Variants in SPTY2D1 observed in about 807,000 individuals in gnomAD.
SPTY2D1 encodes SPT2 chromatin protein domain containing 1.
SPTY2D1 carries 21 observed loss-of-function variants against 64.0 expected under a neutral mutation model. The observed-to-expected ratio is 0.33, with a 90% CI of 0.23 to 0.47. The LOEUF is 0.47. Ranked by LOEUF, SPTY2D1 falls within the 20% of genes least tolerant of loss-of-function variation. The pLI is 1.00. For synonymous variants in SPTY2D1, 287 were observed against 286.8 expected, an observed-to-expected ratio of 1.00 and a Z score of -0.01; for missense variants, 724 against 837.2, an observed-to-expected ratio of 0.86 and a Z score of 1.67.
At chr11:18,630,863 C>T (rs570366468) in intron 1 of SPTY2D1, among the ~76,000 whole-genome samples, 1 of 151,810 alleles carries the variant, frequency 6.6e-6, no homozygotes, top group Admixed American at 6.6e-5. Context: ...GCTCTGTCAC[C>T]CCGGCTGGAG....
intron 1 of SPTY2D1, among the ~76,000 whole-genome samples, chr11:18,618,543 T>C (rs1025660810): frequency 3.9e-5 from 6 of 152,194 alleles, no homozygotes; most frequent in African/African-American, 1.4e-4. Flanking sequence ...CTACGACCAT[T>C]CCACATTAAA....
At chr11:18,613,502 C>A (rs1272469436) in intron 3 of SPTY2D1, among the ~76,000 whole-genome samples, 1 of 152,170 alleles carries the variant, frequency 6.6e-6, no homozygotes, top group Admixed American at 6.5e-5. Flanking sequence ...GGGGCTATCC[C>A]ATGCATTGTT....
Position 18,607,183 on chromosome 11 carries a change from G to C in SPTY2D1, c.*2678C>G, listed in dbSNP as rs10832948. ...CGGCCAGACTTACTTTTTTGTTAACGGTCTTTGAACCTTTTCACGGCACAC... is the reference window on the plus strand; with the variant it reads ...CGGCCAGACTTACTTTTTTGTTAACCGTCTTTGAACCTTTTCACGGCACAC... On this transcript the variant is annotated 3_prime_UTR_variant, in exon 6 of 6. Coordinates refer to ENST00000336349, the MANE Select transcript of SPTY2D1 (RefSeq NM_194285.3). The C allele has an allele frequency of 1.2e-5, 2 of 162,588 alleles. No individual in the cohort carries two copies. The highest frequency in any genetic ancestry group is 4.8e-5 in the African/African-American group (2 of 41,554). 10.1% of individuals were successfully genotyped at this position (162,588 alleles called of 1,614,324 possible). A position where few individuals can be genotyped will look rare whatever the true frequency, so the allele number is the denominator to read the frequency against.
rs749489129 is a variant in SPTY2D1, at chr11:18,612,769, C to CTTTT, written c.1712-285_1712-282dup. ...TAAGATCAGTAAAATTTCTTTCTTT[C>CTTTT]TTTTTTTTTTTTTTGAGACAGAGTT... is the stretch of plus-strand genomic sequence containing the variant. On this transcript the variant is annotated intron_variant, in intron 3 of 5. Transcript: ENST00000336349. The surrounding 1 kb of genome is among the most constrained non-coding windows in gnomAD (Gnocchi z 4.6). Among the ~76,000 whole-genome samples the CTTTT allele has an allele frequency of 4.3e-3, 619 of 143,048 alleles. 5 individuals carry two copies. The highest frequency in any genetic ancestry group is 0.015 in the African/African-American group (594 of 39,356). The allele number at this position is 143,048 out of a possible 152,430, so 93.8% of individuals were successfully genotyped here.
At chr11:18,610,104 G>C (rs1337386171) in intron 5 of SPTY2D1, 150 bp from the exon 6 acceptor site, 1 of 563,822 alleles carries the variant, frequency 1.8e-6, no homozygotes. Context: ...CAAACTAGCA[G>C]GGATATTTTT....
chr11:18,616,907 A>C lies in SPTY2D1; in HGVS notation c.143T>G (p.Leu48Arg). The C allele has an allele frequency of 6.2e-6, 10 of 1,614,172 alleles. No homozygotes were observed. The highest frequency in any genetic ancestry group is 8.5e-6 in the Non-Finnish European group (10 of 1,180,034). ...TCTCAGCTCCTCTTCTTTCCTTTTA[A>C]GAAAAGCTTGTACAGCTGCTGATTG... ...GVQSAAVQAF[L>R]KRKEEELRRK... The change falls in exon 2 of 6, where the codon CTT (leucine) becomes CGT (arginine). Residue 48 changes from leucine to arginine, a missense_variant. Transcript: ENST00000336349.
intron 1 of SPTY2D1, among the ~76,000 whole-genome samples, chr11:18,627,258 CAAAAAA>C (rs1192277676): frequency 1.6e-4 from 8 of 48,736 alleles, no homozygotes; most frequent in Admixed American, 1.1e-3. Flanking sequence ...ACTAAAAATA[CAAAAAA>C]AAAAAAAAAA....
At chr11:18,630,348 G>A (rs185233216) in intron 1 of SPTY2D1, among the ~76,000 whole-genome samples, 10 of 152,146 alleles carry the variant, frequency 6.6e-5, no homozygotes, top group East Asian at 1.9e-4. Context: ...GGTGGCATGC[G>A]CCTGTAATCC....
At chr11:18,625,780 C>A (rs1281796872) in intron 1 of SPTY2D1, among the ~76,000 whole-genome samples, 1 of 151,370 alleles carries the variant, frequency 6.6e-6, no homozygotes, top group Non-Finnish European at 1.5e-5. Flanking sequence ...CACTTTGTTG[C>A]CCATGATGGT....
At chr11:18,620,033 G>C (rs887369765) in intron 1 of SPTY2D1, among the ~76,000 whole-genome samples, 3 of 152,166 alleles carry the variant, frequency 2.0e-5, no homozygotes, top group Admixed American at 2.0e-4. Flanking sequence ...GCTCTTGACT[G>C]AATACTGGTA....
At position 18,620,027 on chromosome 11, in the gene SPTY2D1, T is replaced by C. The variant is rs542209540; in HGVS notation, c.61-3038A>G. ...GATATGACAAACCGAAAAGCTGCTCTTGACTGAATACTGGTATCCAAAAGG... is the reference window on the plus strand; with the variant it reads ...GATATGACAAACCGAAAAGCTGCTCCTGACTGAATACTGGTATCCAAAAGG... On this transcript the variant is annotated intron_variant, in intron 1 of 5. Transcript: ENST00000336349. Among the ~76,000 whole-genome samples, 4 of 152,336 alleles carry C rather than the reference T, an allele frequency of 2.6e-5. No homozygotes were observed. The South Asian group carries it at 8.3e-4, about 32-fold the overall frequency.
rs72301459 is a variant in SPTY2D1 at position 18,616,732 on chromosome 11, G to GAC, written c.175+141_175+142dup. 2.1e-3 allele frequency: 1,024 copies of GAC among 487,484 alleles called. 2 individuals carry two copies. The highest frequency in any genetic ancestry group is 5.4e-3 in the African/African-American group (276 of 50,712). The allele number at this position is 487,484 out of a possible 1,614,324, so 30.2% of individuals were successfully genotyped here. Reference sequence around the variant, plus strand: ...GCCATGAATACAGTCAGTTAACCTGGACACACACACACACACACACACACA... The same window carrying GAC: ...GCCATGAATACAGTCAGTTAACCTGGACACACACACACACACACACACACACA... On this transcript the variant is annotated intron_variant, in intron 2 of 5. Coordinates refer to ENST00000336349, the MANE Select transcript of SPTY2D1 (RefSeq NM_194285.3).
At chr11:18,632,470 T>A (rs185548936) in intron 1 of SPTY2D1, among the ~76,000 whole-genome samples, 93 of 152,176 alleles carry the variant, frequency 6.1e-4, no homozygotes, top group African/African-American at 2.1e-3. Context: ...TGTCTCAGCC[T>A]CCCAAGTAGC....
At chr11:18,617,183 G>T (rs1854312582) in intron 1 of SPTY2D1, among the ~76,000 whole-genome samples, 194 bp from the exon 2 acceptor site, 1 of 152,118 alleles carries the variant, frequency 6.6e-6, no homozygotes, top group Non-Finnish European at 1.5e-5. Context: ...TGGTGATTTT[G>T]GGGTACAAAG....
chr11:18,622,909 G>A (rs867900740), intron 1 of SPTY2D1, among the ~76,000 whole-genome samples: 6 of 151,876 alleles, frequency 4.0e-5, no homozygotes, highest in Non-Finnish European at 5.9e-5. Context: ...CTGAGATCGC[G>A]CCACTGTACT....
chr11:18,610,584 G>C (rs979210073), intron 5 of SPTY2D1, among the ~76,000 whole-genome samples: 18 of 148,698 alleles, frequency 1.2e-4, no homozygotes, highest in Admixed American at 1.2e-3. Context: ...AGAATCGCTT[G>C]AACCCGGGGA....
intron 3 of SPTY2D1, among the ~76,000 whole-genome samples, chr11:18,613,447 C>T (rs1017652126): frequency 2.0e-5 from 3 of 152,206 alleles, no homozygotes; most frequent in Admixed American, 6.5e-5. Context: ...AGTTTCTCAA[C>T]CTTAGCTCAA....
In SPTY2D1 at chr11:18,614,756, G is replaced by C. The variant is rs1481661195; in HGVS notation, c.1518C>G (p.Val506=). The C allele has an allele frequency of 6.2e-7, 1 of 1,613,376 alleles. No homozygotes were observed. Among genetic ancestry groups the C allele is most frequent in the Admixed American group, 1.7e-5 (1 of 60,000 alleles). Residue 506 remains valine (V), a synonymous_variant, in exon 3 of 6, where the codon GTC becomes GTG. Transcript: ENST00000336349. ...CTGGTCTTCCTGGGACTGAATTACT[G>C]ACAGTCCGTCCAGCTGGAATTGAGC... The part of the protein sequence containing the change: ...ISGSIPAGRT[V]SNSVPGRPVS...
In SPTY2D1 at chr11:18,614,867, C is replaced by T. The variant is rs780564331; in HGVS notation, c.1407G>A (p.Val469=). ...LGSSRGPGRP[V]SSPHELRRPV... is the part of the protein sequence containing the mutation. ...GTCGTCGAAGTTCATGTGGACTGCT[C>T]ACAGGCCGGCCAGGGCCACGAGAGC... The change falls in exon 3 of 6, where the codon GTG becomes GTA. Residue 469 remains valine (V), a synonymous_variant. Transcript: ENST00000336349. 6.2e-7 allele frequency: 1 copy of T among 1,613,770 alleles called. No homozygotes were observed. The highest frequency in any genetic ancestry group is 2.2e-5 in the East Asian group (1 of 44,882).
Sources: gnomAD v4.1 joint callset for allele counts (sites outside exome capture counted in the v4.1 genomes callset) on GRCh38, gnomAD v4.1.1 for gene constraint, Gnocchi (gnomAD v3.1) non-coding constraint, MANE v1.5 for transcripts, NCBI Gene and HGNC (gene_info 2026-07-23, HGNC 2026-07-21) for gene names.